The following VAV3 variants were observed in gnomAD, a reference collection of about 807,000 sequenced individuals.
VAV3 encodes the protein guanine nucleotide exchange factor VAV3.
Under a neutral mutation model 131.2 loss-of-function variants are expected in VAV3, and 94 were observed. That is an observed-to-expected ratio of 0.72 (90% confidence interval 0.61 to 0.85). VAV3 has a LOEUF of 0.85. Among genes scored for constraint, VAV3 ranks in the 40% least tolerant of loss-of-function variants. VAV3 has a pLI of 0.00. For synonymous variants in VAV3, 349 were observed against 342.0 expected (o/e 1.02, Z -0.22); for missense variants, 939 against 1,002.7 (o/e 0.94, Z 0.86).
At chr1:107,798,580 G>A (rs1235445686) in intron 2 of VAV3, among the ~76,000 whole-genome samples, 5 of 151,700 alleles carry the variant, frequency 3.3e-5, no homozygotes, top group African/African-American at 7.3e-5. Context: ...TTAGCCGGGC[G>A]TGGTGGTGGG....
In VAV3 at chr1:107,902,108, TA is replaced by T. The variant is rs902112505; in HGVS notation, c.205-27092del. 1.2e-4 allele frequency among the ~76,000 whole-genome samples: 18 copies of T among 147,352 alleles called. No homozygotes were observed. The East Asian group carries it at 2.8e-3, about 23-fold the overall frequency. On this transcript the variant is annotated intron_variant, in intron 1 of 26. Transcript: ENST00000370056. ...TGTTTTGGCCTGCAAAATAAAAAAA[TA>T]AAAAAAAATTCAGAGAAATATTAAG...
chr1:107,708,568 C>T (rs1387583969), intron 15 of VAV3, among the ~76,000 whole-genome samples: 2 of 152,124 alleles, frequency 1.3e-5, no homozygotes, highest in Non-Finnish European at 2.9e-5. Context: ...TAGATGTTCT[C>T]TTCTCACCTG....
chr1:107,691,286 G>C (rs1030218311), intron 17 of VAV3, among the ~76,000 whole-genome samples: 3 of 152,128 alleles, frequency 2.0e-5, no homozygotes, highest in African/African-American at 7.2e-5. Flanking sequence ...AATGGAATAA[G>C]AAACCTTTTT....
chr1:107,927,841 G>A (rs7544156), intron 1 of VAV3, among the ~76,000 whole-genome samples: 4,584 of 152,240 alleles, frequency 0.03, 233 homozygotes, highest in African/African-American at 0.11. Context: ...CCCACCTGGG[G>A]CCTGGGGGAA....
At chr1:107,614,612 A>G (rs1350882174) in intron 21 of VAV3, among the ~76,000 whole-genome samples, 1 of 152,084 alleles carries the variant, frequency 6.6e-6, no homozygotes, top group Non-Finnish European at 1.5e-5. Context: ...TTCTGAACAT[A>G]TTTCTCCTTC....
At chr1:107,707,857 C>A (rs1660548904) in intron 15 of VAV3, among the ~76,000 whole-genome samples, 1 of 152,084 alleles carries the variant, frequency 6.6e-6, no homozygotes, top group East Asian at 1.9e-4. Context: ...TAGATTGCAG[C>A]AGAAGACGAC....
At chr1:107,687,324 A>G (rs930258299) in intron 18 of VAV3, among the ~76,000 whole-genome samples, 7 of 152,204 alleles carry the variant, frequency 4.6e-5, no homozygotes, top group African/African-American at 1.7e-4. Context: ...AGTAGAGACA[A>G]GCACCTCTTA....
intron 19 of VAV3, among the ~76,000 whole-genome samples, chr1:107,651,538 AAGGAAGGG>A (rs1024470204): frequency 6.7e-5 from 9 of 133,622 alleles, no homozygotes; most frequent in Admixed American, 2.2e-4. Context: ...GAAACAAAGT[AAGGAAGGG>A]AGGGAGGGAG....
chr1:107,779,493 C>G lies in VAV3; in HGVS notation c.322-1G>C. On this transcript the variant is annotated splice_acceptor_variant, in intron 2 of 26. Coordinates refer to ENST00000370056, the MANE Select transcript of VAV3 (RefSeq NM_006113.5). LOFTEE classifies it high-confidence loss of function. ...AAAGTCGTGATAATGTTTCTATAAC[C>G]TGAGAAAAGAGGAAAATACTAATTA... 1 of 1,576,152 alleles carries G rather than the reference C, an allele frequency of 6.3e-7. No homozygotes were observed. Among genetic ancestry groups the G allele is most frequent in the South Asian group, 1.2e-5 (1 of 83,320 alleles).
chr1:107,716,250 C>G (rs190480229), intron 15 of VAV3, among the ~76,000 whole-genome samples: 8 of 152,078 alleles, frequency 5.3e-5, no homozygotes, highest in South Asian at 4.1e-4. Flanking sequence ...AACTTTAAAA[C>G]GTTAAATGTG....
chr1:107,734,199 T>A (rs1662443176), intron 15 of VAV3, among the ~76,000 whole-genome samples: 1 of 152,036 alleles, frequency 6.6e-6, no homozygotes, highest in Admixed American at 6.6e-5. Flanking sequence ...TTACAAGAGC[T>A]CCTGAAGGAA....
At chr1:107,867,482 C>T (rs967995209) in intron 2 of VAV3, among the ~76,000 whole-genome samples, 3 of 152,088 alleles carry the variant, frequency 2.0e-5, no homozygotes, top group African/African-American at 7.2e-5. Context: ...CAAAGGAGGG[C>T]AATAGTGCTA....
intron 19 of VAV3, among the ~76,000 whole-genome samples, chr1:107,664,356 C>T (rs942840403): frequency 2.6e-5 from 4 of 152,114 alleles, no homozygotes; most frequent in African/African-American, 9.7e-5. Flanking sequence ...CCCAACCCCC[C>T]ACAAAAGGCC....
At chr1:107,678,376 A>G (rs1658361296) in intron 19 of VAV3, among the ~76,000 whole-genome samples, 3 of 152,224 alleles carry the variant, frequency 2.0e-5, no homozygotes, top group Admixed American at 6.5e-5. Context: ...TAATATGGAA[A>G]TATTCTAATC....
At chr1:107,714,411 A>C (rs920284160) in intron 15 of VAV3, among the ~76,000 whole-genome samples, 1 of 152,124 alleles carries the variant, frequency 6.6e-6, no homozygotes, top group East Asian at 1.9e-4. Context: ...AAAATCTCAA[A>C]ATAAAACTGA....
intron 2 of VAV3, among the ~76,000 whole-genome samples, chr1:107,835,245 G>C (rs1264999038): frequency 6.6e-6 from 1 of 152,188 alleles, no homozygotes; most frequent in Non-Finnish European, 1.5e-5. Flanking sequence ...CCCAGCCTCA[G>C]TGCCTTGCCA....
At chr1:107,644,353 G>A (rs779710904) in intron 19 of VAV3, among the ~76,000 whole-genome samples, 11 of 152,070 alleles carry the variant, frequency 7.2e-5, no homozygotes, top group East Asian at 1.9e-4. Flanking sequence ...AGTTAACTCC[G>A]TGTTTAAGGG....
chr1:107,657,568 T>C (rs1656668471), intron 19 of VAV3, among the ~76,000 whole-genome samples: 2 of 152,152 alleles, frequency 1.3e-5, no homozygotes, highest in South Asian at 2.1e-4. Flanking sequence ...TGGGTATATA[T>C]TGTCTTAGAC....
At chr1:107,936,140 A>G (rs1673701087) in intron 1 of VAV3, among the ~76,000 whole-genome samples, 1 of 152,224 alleles carries the variant, frequency 6.6e-6, no homozygotes, top group Admixed American at 6.5e-5. Flanking sequence ...GGGCTCAAAA[A>G]TATGAATTGA....
Sources: allele counts gnomAD v4.1 joint callset (sites outside exome capture counted in the v4.1 genomes callset), GRCh38; gene constraint gnomAD v4.1.1; transcripts MANE v1.5; gene names NCBI Gene and HGNC (gene_info 2026-07-23, HGNC 2026-07-21).